The following PCDHGA10 variants were observed in gnomAD, a reference collection of about 807,000 sequenced individuals.
PCDHGA10 encodes the protein protocadherin gamma subfamily A, 10, also known as protocadherin gamma-A10.
Under a neutral mutation model 59.5 loss-of-function variants are expected in PCDHGA10, and 42 were observed. The observed-to-expected ratio is 0.71, with a 90% confidence interval of 0.55 to 0.91. The LOEUF (loss-of-function observed/expected upper bound fraction) is 0.91. PCDHGA10 is among the 40% of genes least tolerant of loss of function. PCDHGA10 has a pLI of 0.00. For synonymous variants in PCDHGA10, 511 were observed against 517.2 expected (o/e 0.99, Z 0.16); for missense variants, 1,111 against 1,198.2 (o/e 0.93, Z 1.07).
intron 1 of PCDHGA10, among the ~76,000 whole-genome samples, chr5:141,480,720 G>C (rs2099524423): frequency 6.6e-6 from 1 of 152,146 alleles, no homozygotes; most frequent in Non-Finnish European, 1.5e-5. Context: ...TGAAAGCACA[G>C]TCTCTGGGGG....
chr5:141,479,211 A>G (rs2099490342), intron 1 of PCDHGA10: 1 of 152,422 alleles, frequency 6.6e-6, no homozygotes, highest in African/African-American at 2.4e-5. Context: ...AAGTATTTAA[A>G]AAATTAAAAC....
At chr5:141,446,493 T>C (rs1416449558) in intron 1 of PCDHGA10, among the ~76,000 whole-genome samples, 2 of 152,152 alleles carry the variant, frequency 1.3e-5, no homozygotes. Flanking sequence ...TTTTTTTTTT[T>C]TGAGATGGAG....
intron 1 of PCDHGA10, chr5:141,428,285 C>G (rs765814584): frequency 1.1e-5 from 8 of 734,934 alleles, no homozygotes; most frequent in Non-Finnish European, 1.7e-5. Context: ...GATTCCCAAG[C>G]AAAGCTGCAG....
chr5:141,452,088 AAG>A (rs1200732162), intron 1 of PCDHGA10, among the ~76,000 whole-genome samples: 2 of 152,206 alleles, frequency 1.3e-5, no homozygotes, highest in African/African-American at 4.8e-5. Flanking sequence ...ATTATACAGT[AAG>A]AAAGAGCTTT....
At position 141,415,324 on chromosome 5, in the gene PCDHGA10, G is replaced by A. The variant is rs2095854761; in HGVS notation, c.2149G>A (p.Ala717Thr). The change falls in exon 1 of 4, where the codon GCG becomes ACG. Residue 717 changes from alanine (A) to threonine (T), a missense_variant. Ala to Thr is a moderately conservative substitution (Grantham distance 58, BLOSUM62 0). Transcript: ENST00000398610. ...CCTGGCCTTCGTCATCGTGCTGCTGGCGCACAGGCTGCGGCGCTGGCACAA... is the reference window on the plus strand; with the variant it reads ...CCTGGCCTTCGTCATCGTGCTGCTGACGCACAGGCTGCGGCGCTGGCACAA... ...VFLAFVIVLLAHRLRRWHKSR... is the reference protein window; with the variant it reads ...VFLAFVIVLLTHRLRRWHKSR... The A allele has an allele frequency of 1.9e-6, 3 of 1,614,108 alleles. No individual in the cohort carries two copies. The highest frequency in any genetic ancestry group is 2.7e-5 in the African/African-American group (2 of 74,948).
intron 2 of PCDHGA10, among the ~76,000 whole-genome samples, chr5:141,503,091 G>A (rs2099818095): frequency 6.6e-6 from 1 of 151,808 alleles, no homozygotes; most frequent in African/African-American, 2.4e-5. Flanking sequence ...CTGACCTCGT[G>A]GTCTGCCCGC....
In PCDHGA10 at chr5:141,511,284, G is replaced by A; in HGVS notation, c.*111G>A. Reference sequence around the variant, plus strand: ...AGGGCTAACCCCCAGAATACTGGTAGGGGCCAAGGCCATGCTCCCCTTGGG... The same window carrying A: ...AGGGCTAACCCCCAGAATACTGGTAAGGGCCAAGGCCATGCTCCCCTTGGG... On this transcript the variant is annotated 3_prime_UTR_variant, in exon 4 of 4. Coordinates refer to ENST00000398610, the MANE Select transcript of PCDHGA10 (RefSeq NM_018913.3). 6.5e-7 allele frequency: 1 copy of A among 1,528,376 alleles called. No individual in the cohort carries two copies. The highest frequency in any genetic ancestry group is 1.4e-5 in the African/African-American group (1 of 72,796). The allele number at this position is 1,528,376 out of a possible 1,614,324, so 94.7% of individuals were successfully genotyped here.
At chr5:141,430,405 A>T (rs1163049877) in intron 1 of PCDHGA10, among the ~76,000 whole-genome samples, 1 of 152,124 alleles carries the variant, frequency 6.6e-6, no homozygotes, top group Non-Finnish European at 1.5e-5. Flanking sequence ...AAGCTCACTA[A>T]AGTTTCTATT....
chr5:141,439,012 A>G (rs968054607), intron 1 of PCDHGA10, among the ~76,000 whole-genome samples: 4 of 151,916 alleles, frequency 2.6e-5, no homozygotes, highest in South Asian at 2.1e-4. Context: ...TTTGTTTGTC[A>G]AATTTTGAAA....
intron 1 of PCDHGA10, among the ~76,000 whole-genome samples, chr5:141,479,077 A>G (rs1393042749): frequency 6.6e-6 from 1 of 152,224 alleles, no homozygotes; most frequent in Non-Finnish European, 1.5e-5. Context: ...ATGAAATGAA[A>G]TTCCAGGCAT....
chr5:141,485,172 C>T lies in PCDHGA10; in HGVS notation c.2437-9635C>T, dbSNP rs377648315. 3.9e-5 allele frequency: 62 copies of T among 1,610,044 alleles called. No individual in the cohort carries two copies. The highest frequency in any genetic ancestry group is 5.1e-5 in the Non-Finnish European group (60 of 1,176,944). On this transcript the variant is annotated intron_variant, in intron 1 of 3. Coordinates refer to ENST00000398610, the MANE Select transcript of PCDHGA10 (RefSeq NM_018913.3). The surrounding 1 kb of genome is among the most constrained non-coding windows in gnomAD (Gnocchi z 5.7). ...CAAGTAGAGAATTAGCGGGCGGCAGCAATGCTCCGCAAGGTGAGAAGCTGG... is the reference window on the plus strand; with the variant it reads ...CAAGTAGAGAATTAGCGGGCGGCAGTAATGCTCCGCAAGGTGAGAAGCTGG...
At position 141,487,543 on chromosome 5, in the gene PCDHGA10, A is replaced by G. The variant is rs2099649285; in HGVS notation, c.2437-7264A>G. On this transcript the variant is annotated intron_variant, in intron 1 of 3. Coordinates refer to ENST00000398610, the MANE Select transcript of PCDHGA10 (RefSeq NM_018913.3). This position sits in a 1 kb window ranked among gnomAD's most constrained non-coding sequence, Gnocchi z 5.0. ...GTGATAGCTTCATGATGGTGAAGTC[A>G]CCCAGTGCACCTATGGCAGGGGAGC... is the stretch of plus-strand genomic sequence containing the variant. The G allele has an allele frequency of 3.7e-6, 6 of 1,614,114 alleles. No homozygotes were observed. In the South Asian group the frequency reaches 5.5e-5, roughly 15 times the overall value.
chr5:141,437,247 C>T (rs2097870457), intron 1 of PCDHGA10, among the ~76,000 whole-genome samples: 2 of 152,090 alleles, frequency 1.3e-5, no homozygotes, highest in Non-Finnish European at 2.9e-5. Context: ...AAGGACTTTC[C>T]TTGTCTTTTT....
At position 141,490,782 on chromosome 5, in the gene PCDHGA10, ACGGATCTTTGCC is replaced by A; in HGVS notation, c.2437-4023_2437-4012del. 6.2e-7 allele frequency: 1 copy of A among 1,614,054 alleles called. No individual in the cohort carries two copies. Among genetic ancestry groups the A allele is most frequent in the Non-Finnish European group, 8.5e-7 (1 of 1,179,952 alleles). ...TTGTGTATGTCAACCCAGAGGATGGACGGATCTTTGCCCAGCGTACCTTTGACTATGAATTGC... is the reference window on the plus strand; with the variant it reads ...TTGTGTATGTCAACCCAGAGGATGGACAGCGTACCTTTGACTATGAATTGC... On this transcript the variant is annotated intron_variant, in intron 1 of 3. Transcript: ENST00000398610. This position sits in a 1 kb window ranked among gnomAD's most constrained non-coding sequence, Gnocchi z 5.4.
chr5:141,477,519 A>C lies in PCDHGA10; in HGVS notation c.2437-17288A>C, dbSNP rs1255751458. 1 of 1,614,174 alleles carries C rather than the reference A, an allele frequency of 6.2e-7. No individual in the cohort carries two copies. The highest frequency in any genetic ancestry group is 2.2e-5 in the East Asian group (1 of 44,882). Reference sequence around the variant, plus strand: ...TCTTCCTACGACGTTTACATTGAAGAAAACAACCTCCCCGGGGCTCCAATA... The same window carrying C: ...TCTTCCTACGACGTTTACATTGAAGCAAACAACCTCCCCGGGGCTCCAATA... On this transcript the variant is annotated intron_variant, in intron 1 of 3. Transcript: ENST00000398610. The surrounding 1 kb of genome is among the most constrained non-coding windows in gnomAD (Gnocchi z 4.9).
Position 141,472,217 on chromosome 5 carries a change from C to T in PCDHGA10, c.2437-22590C>T, listed in dbSNP as rs181908144. On this transcript the variant is annotated intron_variant, in intron 1 of 3. Transcript: ENST00000398610. ...CTTTTTGACACTAAGACCTTACTCTCGATCATATAATACATTCACTTTCTA... is the reference window on the plus strand; with the variant it reads ...CTTTTTGACACTAAGACCTTACTCTTGATCATATAATACATTCACTTTCTA... Among the ~76,000 whole-genome samples the T allele has an allele frequency of 3.1e-4, 47 of 152,234 alleles. 1 individual carries two copies. The highest frequency in any genetic ancestry group is 1.1e-3 in the African/African-American group (44 of 41,538).
At position 141,477,795 on chromosome 5, in the gene PCDHGA10, G is replaced by T. The variant is rs778851755; in HGVS notation, c.2437-17012G>T. The T allele has an allele frequency of 1.2e-5, 19 of 1,613,946 alleles. 1 individual carries two copies. In the South Asian group the frequency reaches 1.6e-4, roughly 14 times the overall value. On this transcript the variant is annotated intron_variant, in intron 1 of 3. Transcript: ENST00000398610. The surrounding 1 kb of genome is among the most constrained non-coding windows in gnomAD (Gnocchi z 4.9). ...AGCGTGAACATATTTGTCACTGATC[G>T]CAATGACAATGCCCCCCAGGTCCTA...
At chr5:141,478,177 A>G (rs769503109) in intron 1 of PCDHGA10, 1 of 1,613,988 alleles carries the variant, frequency 6.2e-7, no homozygotes, top group South Asian at 1.1e-5. Context: ...GGGAGCAGAA[A>G]AAAAATCTCA....
At chr5:141,441,246 C>G (rs2098234855) in intron 1 of PCDHGA10, 1 of 152,136 alleles carries the variant, frequency 6.6e-6, no homozygotes, top group Non-Finnish European at 1.5e-5. Flanking sequence ...ATCACAAGAT[C>G]TTTAAATCAC....
Sources: allele counts gnomAD v4.1 joint callset (sites outside exome capture counted in the v4.1 genomes callset), GRCh38; gene constraint gnomAD v4.1.1; non-coding constraint Gnocchi (gnomAD v3.1); transcripts MANE v1.5; gene names NCBI Gene and HGNC (gene_info 2026-07-23, HGNC 2026-07-21).